Variants in CAMK2B observed in about 807,000 individuals in gnomAD.
CAMK2B encodes the protein calcium/calmodulin dependent protein kinase II beta, also known as calcium/calmodulin-dependent protein kinase type II subunit beta.
Under a neutral mutation model 93.7 loss-of-function variants are expected in CAMK2B, and 27 were observed. The observed-to-expected ratio is 0.29, with a 90% confidence interval of 0.21 to 0.40. The LOEUF is 0.40. Among genes scored for constraint, CAMK2B ranks in the 10% least tolerant of loss-of-function variants. The probability of loss-of-function intolerance (pLI) is 1.00; values close to 1 mark genes in which losing one functional copy is unlikely to be tolerated. For missense variants in CAMK2B, 568 were observed against 895.8 expected (o/e 0.63, Z 4.67); for synonymous variants, 374 against 358.8 (o/e 1.04, Z -0.48).
chr7:44,269,289 G>A (rs552400063), intron 2 of CAMK2B, among the ~76,000 whole-genome samples: 3 of 152,346 alleles, frequency 2.0e-5, no homozygotes, highest in South Asian at 2.1e-4. Flanking sequence ...GGGACCCCTC[G>A]TGTCCCAAGT....
chr7:44,303,618 C>T (rs79696463), intron 1 of CAMK2B, among the ~76,000 whole-genome samples: 1,852 of 152,162 alleles, frequency 0.012, 43 homozygotes, highest in African/African-American at 0.042. Flanking sequence ...GGGTCATAGA[C>T]CTAAATGTAA....
At chr7:44,314,422 G>A (rs916659471) in intron 1 of CAMK2B, among the ~76,000 whole-genome samples, 3 of 152,130 alleles carry the variant, frequency 2.0e-5, no homozygotes, top group Admixed American at 6.5e-5. Flanking sequence ...CGTTTTGAAC[G>A]TTCGTCCACA....
intron 1 of CAMK2B, among the ~76,000 whole-genome samples, chr7:44,290,140 A>G (rs1382789129): frequency 1.3e-5 from 2 of 152,266 alleles, no homozygotes; most frequent in African/African-American, 4.8e-5. Flanking sequence ...GCCAAGGGCC[A>G]TGGGACCCCT....
At chr7:44,324,229 C>A (rs960584916) in intron 1 of CAMK2B, among the ~76,000 whole-genome samples, 3 of 152,256 alleles carry the variant, frequency 2.0e-5, no homozygotes, top group African/African-American at 4.8e-5. Context: ...AAAAAAGGAT[C>A]TGTTGCTGGA....
chr7:44,229,407 A>G lies in CAMK2B; in HGVS notation c.1320T>C (p.Phe440=). 1 of 1,511,768 alleles carries G rather than the reference A, an allele frequency of 6.6e-7. No homozygotes were observed. The highest frequency in any genetic ancestry group is 8.9e-7 in the Non-Finnish European group (1 of 1,129,646). The allele number at this position is 1,511,768 out of a possible 1,614,324, so 93.6% of individuals were successfully genotyped here. The change falls in exon 18 of 24, where the codon TTT becomes TTC. Residue 440 remains phenylalanine, a synonymous_variant. Transcript: ENST00000395749. ...GPLPCPSPAP[F]SPLPAPSPRI... The stretch of plus-strand genomic sequence containing the variant: ...ACTTACATGGGGCTGGCAGGGGGCT[A>G]AAGGGAGCCGGAGATGGGCAGGGCA...
Position 44,271,489 on chromosome 7 carries a change from C to G in CAMK2B, c.161-8425G>C, listed in dbSNP as rs1386313338. Among the ~76,000 whole-genome samples the G allele has an allele frequency of 1.3e-5, 2 of 152,232 alleles. No individual in the cohort carries two copies. The highest frequency in any genetic ancestry group is 2.9e-5 in the Non-Finnish European group (2 of 68,036). Reference sequence around the variant, plus strand: ...TTAATTCTGTTTGGCCATGACCTGGCTGGCTCCTACAGACTCTGGTGACAG... The same window carrying G: ...TTAATTCTGTTTGGCCATGACCTGGGTGGCTCCTACAGACTCTGGTGACAG... On this transcript the variant is annotated intron_variant, in intron 2 of 23. Transcript: ENST00000395749. This position sits in a 1 kb window ranked among gnomAD's most constrained non-coding sequence, Gnocchi z 4.2.
chr7:44,238,947 C>G (rs1471472810), intron 13 of CAMK2B, among the ~76,000 whole-genome samples: 5 of 152,214 alleles, frequency 3.3e-5, no homozygotes, highest in Non-Finnish European at 1.5e-5. Context: ...CCCGCACAGC[C>G]CAGAGGAGCA....
intron 1 of CAMK2B, among the ~76,000 whole-genome samples, chr7:44,296,820 G>C (rs1324500035): frequency 6.6e-6 from 1 of 151,812 alleles, no homozygotes; most frequent in Non-Finnish European, 1.5e-5. Context: ...TGTATCCAGA[G>C]AAATTATCCA....
rs2096699805 is a variant in CAMK2B at position 44,243,305 on chromosome 7, G to A, written c.546C>T (p.Ser182=). 1 of 1,614,008 alleles carries A rather than the reference G, an allele frequency of 6.2e-7. No individual in the cohort carries two copies. Among genetic ancestry groups the A allele is most frequent in the South Asian group, 1.1e-5 (1 of 91,088 alleles). Reference sequence around the variant, plus strand: ...ACGCCTCTTTGCGAAGGACCTCAGGGGACAGGTAGCCTGGTGTGCCAGCGA... The same window carrying A: ...ACGCCTCTTTGCGAAGGACCTCAGGAGACAGGTAGCCTGGTGTGCCAGCGA... ...FGFAGTPGYL[S]PEVLRKEAYG... Residue 182 remains serine, a synonymous_variant, in exon 8 of 24, where the codon TCC becomes TCT. Coordinates refer to ENST00000395749, the MANE Select transcript of CAMK2B (RefSeq NM_001220.5).
intron 2 of CAMK2B, among the ~76,000 whole-genome samples, chr7:44,273,544 G>A (rs1385933966): frequency 7.0e-6 from 1 of 142,468 alleles, no homozygotes; most frequent in African/African-American, 2.5e-5. Context: ...GGTGCGATGG[G>A]TCCTCCACCT....
intron 13 of CAMK2B, among the ~76,000 whole-genome samples, chr7:44,238,995 G>A (rs1252550169): frequency 6.6e-6 from 1 of 152,236 alleles, no homozygotes; most frequent in African/African-American, 2.4e-5. Flanking sequence ...CAGGGTTTGA[G>A]GCCAGGGGAG....
chr7:44,256,143 T>C (rs2096831561), intron 4 of CAMK2B, among the ~76,000 whole-genome samples: 1 of 152,196 alleles, frequency 6.6e-6, no homozygotes, highest in Non-Finnish European at 1.5e-5. Flanking sequence ...TCACTCCTCA[T>C]GGGCCAGCAC....
chr7:44,243,112 G>A, intron 8 of CAMK2B, 138 bp downstream of exon 8: 1 of 670,514 alleles, frequency 1.5e-6, no homozygotes. Flanking sequence ...CCCCTGCCAG[G>A]GCAGCTCAAG....
At chr7:44,291,049 T>C (rs1306257812) in intron 1 of CAMK2B, among the ~76,000 whole-genome samples, 1 of 152,178 alleles carries the variant, frequency 6.6e-6, no homozygotes, top group Non-Finnish European at 1.5e-5. Context: ...AGGGGGCTCT[T>C]GTTGCCACTT....
chr7:44,261,251 T>C (rs1018404781), intron 3 of CAMK2B, among the ~76,000 whole-genome samples: 6 of 152,166 alleles, frequency 3.9e-5, no homozygotes, highest in African/African-American at 7.2e-5. Flanking sequence ...ATAAGCCCAG[T>C]TGGGGGCCCA....
At chr7:44,234,329 G>A (rs548704689) in intron 15 of CAMK2B, 61 bp downstream of exon 15, 33 of 1,411,642 alleles carry the variant, frequency 2.3e-5, no homozygotes, top group African/African-American at 1.7e-4. Flanking sequence ...TCTGACCAGC[G>A]GCAATCACAC....
chr7:44,227,770 AGAGT>A (rs2128903920), intron 19 of CAMK2B, among the ~76,000 whole-genome samples: 7 of 2,948 alleles, frequency 2.4e-3, no homozygotes, highest in East Asian at 0.012. Flanking sequence ...GGACAGAGGG[AGAGT>A]CTGGGGGACA....
In CAMK2B at chr7:44,283,323, AAGGGCAGGGAGACCCCGTG is replaced by A. The variant is rs928563480; in HGVS notation, c.160+789_160+807del. On this transcript the variant is annotated intron_variant, in intron 2 of 23. Transcript: ENST00000395749. Reference sequence around the variant, plus strand: ...CAGCACAAGGACAGGGAGACCCCACAAGGGCAGGGAGACCCCGTGAGGGCAGGGAGACCCCGTGAGGGCA... The same window carrying A: ...CAGCACAAGGACAGGGAGACCCCACAAGGGCAGGGAGACCCCGTGAGGGCA... Among the ~76,000 whole-genome samples the A allele has an allele frequency of 7.6e-4, 115 of 152,178 alleles. 1 individual carries two copies. The highest frequency in any genetic ancestry group is 2.3e-3 in the African/African-American group (97 of 41,536).
intron 19 of CAMK2B, 49 bp downstream of exon 19, chr7:44,228,747 A>G (rs1367972957): frequency 1.2e-5 from 17 of 1,415,560 alleles, no homozygotes; most frequent in African/African-American, 2.9e-5. Context: ...GGCCATTCGC[A>G]GGGAGCTGTC....
Sources: gnomAD v4.1 joint callset for allele counts (sites outside exome capture counted in the v4.1 genomes callset) on GRCh38, gnomAD v4.1.1 for gene constraint, Gnocchi (gnomAD v3.1) non-coding constraint, MANE v1.5 for transcripts, NCBI Gene and HGNC (gene_info 2026-07-23, HGNC 2026-07-21) for gene names.